Variants in ANO4 observed in about 807,000 individuals in gnomAD.
ANO4 encodes anoctamin-4.
Under a neutral mutation model 141.9 loss-of-function variants are expected in ANO4, and 69 were observed. The ratio of observed to expected loss-of-function variants is 0.49; its 90% CI spans 0.40 to 0.59. The LOEUF is 0.59. ANO4 is among the 20% of genes least tolerant of loss of function. The pLI is 0.00. For missense variants in ANO4, 894 were observed against 1,162.2 expected, an observed-to-expected ratio of 0.77 and a Z score of 3.36; for synonymous variants, 350 against 394.3, an observed-to-expected ratio of 0.89 and a Z score of 1.33.
chr12:101,074,451 C>T (rs1244311340), intron 14 of ANO4, among the ~76,000 whole-genome samples: 2 of 152,204 alleles, frequency 1.3e-5, no homozygotes, highest in East Asian at 3.8e-4. Flanking sequence ...CATCATATCA[C>T]CTGTGCTCAT....
intron 1 of ANO4, among the ~76,000 whole-genome samples, chr12:100,823,839 A>G (rs1343648981): frequency 1.3e-5 from 2 of 152,038 alleles, no homozygotes; most frequent in Non-Finnish European, 2.9e-5. Flanking sequence ...GCTATTATCT[A>G]TGCACAATGT....
intron 3 of ANO4, among the ~76,000 whole-genome samples, chr12:100,767,978 G>C (rs1309198304): frequency 6.6e-6 from 1 of 152,098 alleles, no homozygotes; most frequent in Non-Finnish European, 1.5e-5. Flanking sequence ...GGATCTAGTG[G>C]AACATGGGGC....
rs11110636 is a variant in ANO4 at position 101,054,601 on chromosome 12, G to A, written c.1312+6200G>A. The stretch of plus-strand genomic sequence containing the variant: ...TGCAAGCTCCGCCTCCCGGCTTCAC[G>A]CCATTCTCCTGCGTCAGCCTCTCGA... On this transcript the variant is annotated intron_variant, in intron 14 of 27. Transcript: ENST00000392977. Among the ~76,000 whole-genome samples, 132 of 152,288 alleles carry A rather than the reference G, an allele frequency of 8.7e-4. 3 individuals carry two copies. The East Asian group carries it at 0.018, about 21-fold the overall frequency.
At chr12:100,778,080 C>T (rs552599318) in intron 3 of ANO4, among the ~76,000 whole-genome samples, 264 of 152,076 alleles carry the variant, frequency 1.7e-3, no homozygotes, top group South Asian at 5.0e-3. Context: ...CCACCATGCC[C>T]GGCTAATTTT....
intron 1 of ANO4, among the ~76,000 whole-genome samples, chr12:100,877,199 A>G (rs1360593412): frequency 3.9e-5 from 6 of 152,022 alleles, no homozygotes; most frequent in Admixed American, 2.0e-4. Context: ...CTGGAGATCT[A>G]TTGTACAGCA....
chr12:100,903,014 ACCCTTTTCCCTCTTCTG>A (rs1390339861), intron 2 of ANO4, among the ~76,000 whole-genome samples: 1 of 152,050 alleles, frequency 6.6e-6, no homozygotes, highest in Non-Finnish European at 1.5e-5. Context: ...TTAACACTGT[ACCCTTTTCCCTCTTCTG>A]CCACTTTTTC....
chr12:101,010,138 T>C (rs1418403506), intron 8 of ANO4, among the ~76,000 whole-genome samples: 1 of 152,174 alleles, frequency 6.6e-6, no homozygotes, highest in African/African-American at 2.4e-5. Context: ...GATGCTGTTG[T>C]TTTGTGCTAT....
chr12:100,908,215 G>A (rs973527933), intron 2 of ANO4, among the ~76,000 whole-genome samples: 1 of 152,158 alleles, frequency 6.6e-6, no homozygotes, highest in African/African-American at 2.4e-5. Context: ...CGGACGTGGT[G>A]GTGCATGCCT....
chr12:100,912,171 G>T (rs576032213), intron 2 of ANO4, among the ~76,000 whole-genome samples: 1 of 151,882 alleles, frequency 6.6e-6, no homozygotes, highest in African/African-American at 2.4e-5. Context: ...TGAGGTGGGC[G>T]GATCACCTGA....
intron 2 of ANO4, among the ~76,000 whole-genome samples, chr12:100,736,681 TTAAGA>T (rs1490634273): frequency 6.6e-6 from 1 of 152,134 alleles, no homozygotes; most frequent in Non-Finnish European, 1.5e-5. Context: ...TGTAGTTAAG[TTAAGA>T]TGAGGTCATC....
intron 9 of ANO4, among the ~76,000 whole-genome samples, chr12:101,031,135 T>C (rs1304671826): frequency 6.6e-6 from 1 of 152,036 alleles, no homozygotes; most frequent in Non-Finnish European, 1.5e-5. Flanking sequence ...CAACAAAAAA[T>C]AGAGAATTTC....
intron 5 of ANO4, among the ~76,000 whole-genome samples, chr12:100,962,607 G>A (rs770850267): frequency 1.3e-5 from 2 of 152,174 alleles, no homozygotes; most frequent in Non-Finnish European, 2.9e-5. Flanking sequence ...CTCTCGCATA[G>A]TTATTGGCAG....
chr12:100,851,097 C>T (rs1012967679), intron 1 of ANO4, among the ~76,000 whole-genome samples: 5 of 152,070 alleles, frequency 3.3e-5, no homozygotes, highest in Non-Finnish European at 7.4e-5. Context: ...AATACCAGAT[C>T]AAAGGGTATC....
At chr12:100,742,427 T>G (rs2031911377) in intron 3 of ANO4, among the ~76,000 whole-genome samples, 1 of 152,108 alleles carries the variant, frequency 6.6e-6, no homozygotes, top group African/African-American at 2.4e-5. Flanking sequence ...ATACTTAATT[T>G]TTTGCTTCTT....
rs539886137 is a variant in ANO4, at chr12:100,971,894, A to G, written c.557+488A>G. Among the ~76,000 whole-genome samples the G allele has an allele frequency of 2.6e-5, 4 of 152,314 alleles. No homozygotes were observed. The South Asian group carries it at 6.2e-4, about 24-fold the overall frequency. ...AAAAAACCACTTTTTTTAATTTTAA[A>G]AAGTCATAAATACTTTGCAAACACG... On this transcript the variant is annotated intron_variant, in intron 6 of 27. Transcript: ENST00000392977.
At chr12:100,920,078 A>G (rs2041561181) in intron 2 of ANO4, among the ~76,000 whole-genome samples, 1 of 152,046 alleles carries the variant, frequency 6.6e-6, no homozygotes, top group African/African-American at 2.4e-5. Context: ...TTGGGCTTCT[A>G]TTTATTAGTC....
chr12:100,976,761 A>G (rs1412986174), intron 7 of ANO4, among the ~76,000 whole-genome samples: 1 of 152,266 alleles, frequency 6.6e-6, no homozygotes, highest in East Asian at 1.9e-4. Context: ...ACGGGAAAAC[A>G]AAAACCAATA....
In ANO4 at chr12:100,844,413, G is replaced by A. The variant is rs115789779; in HGVS notation, c.-141+49386G>A. ...CACAGCAATTCCCCTGTGTTCTTAGGATAATGTATTGGAAATAAATCTGAC... is the reference window on the plus strand; with the variant it reads ...CACAGCAATTCCCCTGTGTTCTTAGAATAATGTATTGGAAATAAATCTGAC... On this transcript the variant is annotated intron_variant, in intron 1 of 27. Transcript: ENST00000392977. Among the ~76,000 whole-genome samples, 627 of 152,234 alleles carry A rather than the reference G, an allele frequency of 4.1e-3. 9 individuals carry two copies. The highest frequency in any genetic ancestry group is 0.015 in the African/African-American group (606 of 41,544).
intron 5 of ANO4, among the ~76,000 whole-genome samples, chr12:100,961,003 T>A (rs1419924478): frequency 6.6e-6 from 1 of 152,054 alleles, no homozygotes; most frequent in Non-Finnish European, 1.5e-5. Context: ...ACAAAGGGAG[T>A]ATTTTCTCTC....
Sources: gnomAD v4.1 joint callset for allele counts (sites outside exome capture counted in the v4.1 genomes callset) on GRCh38, gnomAD v4.1.1 for gene constraint, MANE v1.5 for transcripts, NCBI Gene and HGNC (gene_info 2026-07-23, HGNC 2026-07-21) for gene names.